USH2A: variants seen among roughly 807,000 people sequenced by gnomAD.
USH2A encodes Usher syndrome 2A (autosomal recessive, mild).
In USH2A, 443 loss-of-function variants were observed where a neutral mutation model predicts 538.9. The ratio of observed to expected loss-of-function variants is 0.82; its 90% CI spans 0.76 to 0.89. The LOEUF is 0.89. Among genes scored for constraint, USH2A ranks in the 40% least tolerant of loss-of-function variants. USH2A has a pLI of 0.00. For missense variants in USH2A, 6,633 were observed against 6,324.8 expected (o/e 1.05, Z -1.65); for synonymous variants, 2,413 against 2,273.5 (o/e 1.06, Z -1.75).
intron 11 of USH2A, among the ~76,000 whole-genome samples, chr1:216,269,346 A>G (rs2036533433): frequency 6.6e-6 from 1 of 152,040 alleles, no homozygotes; most frequent in Non-Finnish European, 1.5e-5. Context: ...CACCCATACA[A>G]GATGTGACTT....
chr1:215,886,802 G>A (rs1224537628), intron 41 of USH2A, among the ~76,000 whole-genome samples: 1 of 152,246 alleles, frequency 6.6e-6, no homozygotes, highest in South Asian at 2.1e-4. Flanking sequence ...TTTAATTATT[G>A]TTTATATATG....
chr1:216,007,697 T>G (rs1668441389), intron 32 of USH2A, among the ~76,000 whole-genome samples: 1 of 152,156 alleles, frequency 6.6e-6, no homozygotes, highest in African/African-American at 2.4e-5. Context: ...CCACTGAATG[T>G]GGAAGGGTTG....
chr1:215,792,153 A>G lies in USH2A; in HGVS notation c.9959-1871T>C, dbSNP rs371912294. On this transcript the variant is annotated intron_variant, in intron 50 of 71. Transcript: ENST00000307340. ...TACTTCATGGTTTCACTATGCTTTAAGTATAAAATAAAAATGCAGACATTG... is the reference window on the plus strand; with the variant it reads ...TACTTCATGGTTTCACTATGCTTTAGGTATAAAATAAAAATGCAGACATTG... Among the ~76,000 whole-genome samples, 10 of 152,302 alleles carry G rather than the reference A, an allele frequency of 6.6e-5. No individual in the cohort carries two copies. The South Asian group carries it at 2.1e-3, about 32-fold the overall frequency.
At chr1:215,909,294 C>T (rs914958592) in intron 38 of USH2A, among the ~76,000 whole-genome samples, 1 of 151,676 alleles carries the variant, frequency 6.6e-6, no homozygotes, top group Admixed American at 6.6e-5. Flanking sequence ...TGGGGGAGGG[C>T]TGTATGAATG....
At position 215,697,551 on chromosome 1, in the gene USH2A, C is replaced by T. The variant is rs142736679; in HGVS notation, c.12067-17175G>A. On this transcript the variant is annotated intron_variant, in intron 61 of 71. Transcript: ENST00000307340. ...TATTTTTTTTGTTGAGATGGAGTTT[C>T]GTTCTTGTTGACCTGGCTGGAGTGC... Among the ~76,000 whole-genome samples the T allele has an allele frequency of 4.0e-3, 605 of 151,714 alleles. 3 individuals carry two copies. Among genetic ancestry groups the T allele is most frequent in the African/African-American group, 0.014 (576 of 41,382 alleles).
At chr1:215,837,244 C>T (rs920460200) in intron 47 of USH2A, among the ~76,000 whole-genome samples, 1 of 151,772 alleles carries the variant, frequency 6.6e-6, no homozygotes, top group African/African-American at 2.4e-5. Flanking sequence ...CTTATTATTT[C>T]AGTGTGTGTA....
chr1:216,250,928 C>T lies in USH2A; in HGVS notation c.2142G>A (p.Gln714=). The T allele has an allele frequency of 6.2e-7, 1 of 1,613,998 alleles. No individual in the cohort carries two copies. The highest frequency in any genetic ancestry group is 8.5e-7 in the Non-Finnish European group (1 of 1,179,980). The part of the protein sequence containing the change: ...GDITCHQNSG[Q]CKCKANVIGL... ...CAATAACGTTTGCTTTGCACTTGCA[C>T]TGGCCTGAATTTTGGTGACAGGTAA... The change falls in exon 12 of 72, where the codon CAG becomes CAA. Residue 714 remains glutamine, a synonymous_variant. Transcript: ENST00000307340.
chr1:215,736,728 A>G (rs1571634729), intron 60 of USH2A, among the ~76,000 whole-genome samples: 1 of 152,008 alleles, frequency 6.6e-6, no homozygotes, highest in African/African-American at 2.4e-5. Flanking sequence ...ATAGAAGATA[A>G]ATATTTTAAG....
At chr1:215,906,092 A>T (rs1474062597) in intron 38 of USH2A, among the ~76,000 whole-genome samples, 1 of 152,096 alleles carries the variant, frequency 6.6e-6, no homozygotes, top group Non-Finnish European at 1.5e-5. Context: ...CTCGATTTCC[A>T]GTCACTAAAC....
At chr1:216,072,557 T>C (rs1200480842) in intron 29 of USH2A, 1 of 361,970 alleles carries the variant, frequency 2.8e-6, no homozygotes, top group African/African-American at 2.1e-5. Flanking sequence ...AGCTTCTTGC[T>C]ATCTACACCA....
chr1:216,400,733 G>A (rs921317624), intron 3 of USH2A, among the ~76,000 whole-genome samples: 1 of 152,108 alleles, frequency 6.6e-6, no homozygotes, highest in East Asian at 1.9e-4. Flanking sequence ...CAGTTCAAAT[G>A]ACAACAGATT....
chr1:216,350,228 G>A (rs1426665726), intron 4 of USH2A, among the ~76,000 whole-genome samples: 1 of 152,050 alleles, frequency 6.6e-6, no homozygotes, highest in East Asian at 1.9e-4. Context: ...CCTCCACCCT[G>A]GGGATTACAA....
intron 3 of USH2A, among the ~76,000 whole-genome samples, chr1:216,369,900 G>A (rs2038669453): frequency 7.4e-6 from 1 of 134,644 alleles, no homozygotes; most frequent in South Asian, 2.6e-4. Context: ...TACAGCCTGG[G>A]TGACAGAGTG....
chr1:216,018,174 T>C (rs1299387123), intron 32 of USH2A, among the ~76,000 whole-genome samples: 4 of 152,192 alleles, frequency 2.6e-5, no homozygotes, highest in Non-Finnish European at 4.4e-5. Flanking sequence ...AGAAGTAGAA[T>C]TTCCCAGTCA....
At chr1:216,065,191 C>T (rs1189577374) in intron 30 of USH2A, among the ~76,000 whole-genome samples, 1 of 152,188 alleles carries the variant, frequency 6.6e-6, no homozygotes, top group Non-Finnish European at 1.5e-5. Flanking sequence ...GGTTTACAAT[C>T]TGTGGGATCT....
At chr1:216,372,156 T>C (rs1313928127) in intron 3 of USH2A, among the ~76,000 whole-genome samples, 1 of 152,236 alleles carries the variant, frequency 6.6e-6, no homozygotes, top group Non-Finnish European at 1.5e-5. Context: ...AAATTTTATT[T>C]GTTTTGACTA....
intron 57 of USH2A, 106 bp from the exon 58 acceptor site, chr1:215,758,858 T>C: frequency 8.0e-7 from 1 of 1,247,320 alleles, no homozygotes; most frequent in Non-Finnish European, 1.1e-6. Flanking sequence ...TTGTGACAAA[T>C]TGCAAACTCT....
At chr1:215,782,337 A>C in intron 53 of USH2A, 141 bp from the exon 54 acceptor site, 2 of 890,002 alleles carry the variant, frequency 2.2e-6, no homozygotes, top group Non-Finnish European at 1.7e-6. Flanking sequence ...TTGCTGTCTC[A>C]AGCAGTTCCT....
intron 44 of USH2A, among the ~76,000 whole-genome samples, chr1:215,866,240 G>C (rs1349182342): frequency 6.6e-6 from 1 of 152,094 alleles, no homozygotes; most frequent in Non-Finnish European, 1.5e-5. Flanking sequence ...ATAGTCGTCA[G>C]GGATTGACAC....
Sources: gnomAD v4.1 joint callset for allele counts (sites outside exome capture counted in the v4.1 genomes callset) on GRCh38, gnomAD v4.1.1 for gene constraint, MANE v1.5 for transcripts, NCBI Gene and HGNC (gene_info 2026-07-23, HGNC 2026-07-21) for gene names.